Variants in ZNF804A observed in about 807,000 individuals in gnomAD.
ZNF804A encodes the protein zinc finger protein 804A.
In ZNF804A, 2 loss-of-function variants were observed where a neutral mutation model predicts 16.5. The ratio of observed to expected loss-of-function variants is 0.12; its 90% CI spans 0.05 to 0.38. The LOEUF (loss-of-function observed/expected upper bound fraction) is 0.38. ZNF804A is among the 10% of genes least tolerant of loss of function. The pLI is 0.99. For synonymous variants in ZNF804A, 534 were observed against 489.6 expected (o/e 1.09, Z -1.20); for missense variants, 1,473 against 1,390.7 (o/e 1.06, Z -0.94).
chr2:184,820,042 A>G (rs559264297), intron 1 of ZNF804A, among the ~76,000 whole-genome samples: 3 of 152,036 alleles, frequency 2.0e-5, no homozygotes, highest in Non-Finnish European at 1.5e-5. Flanking sequence ...ATTAAAAACA[A>G]TGGACTCCTC....
intron 1 of ZNF804A, among the ~76,000 whole-genome samples, chr2:184,690,894 T>A (rs984197889): frequency 2.0e-5 from 3 of 152,008 alleles, no homozygotes; most frequent in African/African-American, 7.2e-5. Flanking sequence ...TACAAATAGA[T>A]TCTACCAATT....
At chr2:184,861,759 TG>T (rs1695803368) in intron 1 of ZNF804A, among the ~76,000 whole-genome samples, 1 of 152,218 alleles carries the variant, frequency 6.6e-6, no homozygotes, top group Non-Finnish European at 1.5e-5. Context: ...AGTTCTACTT[TG>T]GTGCTATTCA....
At chr2:184,883,152 A>G (rs920193184) in intron 2 of ZNF804A, among the ~76,000 whole-genome samples, 30 of 152,124 alleles carry the variant, frequency 2.0e-4, no homozygotes, top group African/African-American at 7.2e-4. Flanking sequence ...GCTACTATAA[A>G]CATCTGTGTC....
intron 1 of ZNF804A, among the ~76,000 whole-genome samples, chr2:184,635,896 C>T (rs1691687631): frequency 6.6e-6 from 1 of 152,006 alleles, no homozygotes; most frequent in African/African-American, 2.4e-5. Flanking sequence ...TGTTAATTTG[C>T]ATCTATTGTG....
intron 1 of ZNF804A, among the ~76,000 whole-genome samples, chr2:184,665,441 A>T (rs1007072471): frequency 2.0e-5 from 3 of 152,330 alleles, no homozygotes; most frequent in African/African-American, 7.2e-5. Context: ...AAATTTTGGG[A>T]TTCCAATTTG....
At chr2:184,803,912 G>A (rs1694761990) in intron 1 of ZNF804A, among the ~76,000 whole-genome samples, 1 of 152,030 alleles carries the variant, frequency 6.6e-6, no homozygotes, top group South Asian at 2.1e-4. Flanking sequence ...ACCCAGGCTG[G>A]AGTGCAGTGG....
intron 1 of ZNF804A, among the ~76,000 whole-genome samples, chr2:184,648,748 G>T (rs574008193): frequency 1.3e-5 from 2 of 152,204 alleles, no homozygotes; most frequent in African/African-American, 4.8e-5. Flanking sequence ...TAAACTATAT[G>T]TATACTCACC....
intron 1 of ZNF804A, among the ~76,000 whole-genome samples, chr2:184,850,322 A>G (rs1695583485): frequency 6.6e-6 from 1 of 151,942 alleles, no homozygotes; most frequent in Admixed American, 6.6e-5. Context: ...ATATCAAAAC[A>G]TCATGTGTAC....
intron 1 of ZNF804A, among the ~76,000 whole-genome samples, chr2:184,739,566 T>C (rs893351366): frequency 1.3e-5 from 2 of 152,092 alleles, no homozygotes; most frequent in Admixed American, 6.5e-5. Context: ...GCTCATTTTT[T>C]TTATTAGTAG....
At chr2:184,811,174 A>AAATG (rs1292850821) in intron 1 of ZNF804A, among the ~76,000 whole-genome samples, 2 of 152,170 alleles carry the variant, frequency 1.3e-5, no homozygotes, top group African/African-American at 2.4e-5. Flanking sequence ...GCTTACAATT[A>AAATG]AATGCTAGGA....
intron 1 of ZNF804A, among the ~76,000 whole-genome samples, chr2:184,736,708 A>AG (rs1051547335): frequency 6.6e-6 from 1 of 152,078 alleles, no homozygotes; most frequent in African/African-American, 2.4e-5. Context: ...TTAAATTAAA[A>AG]AAAGAAAAAG....
intron 1 of ZNF804A, among the ~76,000 whole-genome samples, chr2:184,778,400 T>C (rs1351438042): frequency 6.6e-6 from 1 of 151,464 alleles, no homozygotes; most frequent in African/African-American, 2.4e-5. Flanking sequence ...GTGTACATTA[T>C]AGTGATGAGA....
At chr2:184,868,238 T>C (rs1410119874) in intron 2 of ZNF804A, among the ~76,000 whole-genome samples, 1 of 152,128 alleles carries the variant, frequency 6.6e-6, no homozygotes, top group African/African-American at 2.4e-5. Context: ...TTCAATGTGA[T>C]ATGATGTTCC....
chr2:184,769,067 CA>C (rs1694172382), intron 1 of ZNF804A, among the ~76,000 whole-genome samples: 1 of 151,942 alleles, frequency 6.6e-6, no homozygotes. Flanking sequence ...TGTTTTATAG[CA>C]CTTTCATGTC....
intron 2 of ZNF804A, among the ~76,000 whole-genome samples, chr2:184,900,792 C>A (rs1320746459): frequency 6.6e-6 from 1 of 152,100 alleles, no homozygotes; most frequent in Non-Finnish European, 1.5e-5. Flanking sequence ...AAAAGTCCAT[C>A]AGATCCTCCG....
intron 2 of ZNF804A, among the ~76,000 whole-genome samples, chr2:184,892,841 T>C (rs1685009135): frequency 6.6e-6 from 1 of 152,192 alleles, no homozygotes. Context: ...CTCATGTCTC[T>C]TTATCATAAG....
At chr2:184,778,233 A>G (rs17431119) in intron 1 of ZNF804A, among the ~76,000 whole-genome samples, 7,629 of 151,718 alleles carry the variant, frequency 0.05, 251 homozygotes, top group Middle Eastern at 0.078. Context: ...GTCACGTTAT[A>G]TAATATTCTC....
intron 2 of ZNF804A, among the ~76,000 whole-genome samples, chr2:184,877,906 G>A (rs531441548): frequency 2.6e-5 from 4 of 152,180 alleles, no homozygotes; most frequent in Admixed American, 1.3e-4. Context: ...GAAACAAAGA[G>A]AATGGAGAGA....
chr2:184,721,756 A>G (rs1600577), intron 1 of ZNF804A, among the ~76,000 whole-genome samples: 36,504 of 152,068 alleles, frequency 0.24, 6,500 homozygotes, highest in African/African-American at 0.5. Flanking sequence ...ATTGAAAGGA[A>G]ATAAAATCAG....
Sources: gnomAD v4.1 joint callset for allele counts (sites outside exome capture counted in the v4.1 genomes callset) on GRCh38, gnomAD v4.1.1 for gene constraint, MANE v1.5 for transcripts, NCBI Gene and HGNC (gene_info 2026-07-23, HGNC 2026-07-21) for gene names.